RAB3C: variants seen among roughly 807,000 people sequenced by gnomAD.
RAB3C encodes the protein RAB3C, member RAS oncogene family.
RAB3C carries 17 observed loss-of-function variants against 26.4 expected under a neutral mutation model. The ratio of observed to expected loss-of-function variants is 0.64; its 90% confidence interval spans 0.44 to 0.97. The LOEUF is 0.97. RAB3C is among the 50% of genes least tolerant of loss of function. The pLI, the probability that RAB3C is intolerant of heterozygous loss-of-function variation, is 0.00. For synonymous variants in RAB3C, 91 were observed against 95.9 expected, an observed-to-expected ratio of 0.95 and a Z score of 0.30; for missense variants, 242 against 281.9, an observed-to-expected ratio of 0.86 and a Z score of 1.01.
At chr5:58,808,951 C>A (rs1579930259) in intron 3 of RAB3C, among the ~76,000 whole-genome samples, 1 of 152,156 alleles carries the variant, frequency 6.6e-6, no homozygotes, top group Non-Finnish European at 1.5e-5. Context: ...TTTCATGTAC[C>A]AAATTTGGTA....
intron 2 of RAB3C, among the ~76,000 whole-genome samples, chr5:58,677,235 T>C (rs770741641): frequency 6.6e-6 from 1 of 152,220 alleles, no homozygotes; most frequent in Non-Finnish European, 1.5e-5. Flanking sequence ...TCATTCTAAC[T>C]TAACAAATTA....
intron 2 of RAB3C, among the ~76,000 whole-genome samples, chr5:58,642,597 G>A (rs887849929): frequency 2.6e-5 from 4 of 152,200 alleles, no homozygotes; most frequent in African/African-American, 9.7e-5. Context: ...AGAGAAAGCT[G>A]AGTTGTGACT....
intron 1 of RAB3C, among the ~76,000 whole-genome samples, chr5:58,602,983 T>G (rs963772913): frequency 9.9e-5 from 15 of 152,178 alleles, no homozygotes; most frequent in Non-Finnish European, 1.9e-4. Flanking sequence ...GAGCTCCTTT[T>G]AGCAGTTCTT....
intron 3 of RAB3C, among the ~76,000 whole-genome samples, chr5:58,736,379 G>C (rs1741135443): frequency 6.6e-6 from 1 of 152,214 alleles, no homozygotes; most frequent in Non-Finnish European, 1.5e-5. Flanking sequence ...TCCAACTGCA[G>C]GTCCACCTTT....
intron 4 of RAB3C, among the ~76,000 whole-genome samples, chr5:58,838,139 G>A (rs1245399999): frequency 6.6e-6 from 1 of 152,064 alleles, no homozygotes; most frequent in Non-Finnish European, 1.5e-5. Flanking sequence ...CCAGTACTTT[G>A]GGAGGCCAAG....
chr5:58,593,383 T>C (rs1004054504), intron 1 of RAB3C, among the ~76,000 whole-genome samples: 1 of 152,152 alleles, frequency 6.6e-6, no homozygotes, highest in Non-Finnish European at 1.5e-5. Flanking sequence ...AGCACAGTAA[T>C]TAACTGAGCT....
intron 3 of RAB3C, among the ~76,000 whole-genome samples, chr5:58,810,297 C>T (rs1743038329): frequency 6.6e-6 from 1 of 152,020 alleles, no homozygotes; most frequent in Non-Finnish European, 1.5e-5. Flanking sequence ...AAACAAATGA[C>T]AGGCACACCT....
At chr5:58,669,871 A>G (rs1246067308) in intron 2 of RAB3C, among the ~76,000 whole-genome samples, 3 of 152,170 alleles carry the variant, frequency 2.0e-5, no homozygotes, top group Admixed American at 2.0e-4. Flanking sequence ...TGAACTCTTC[A>G]CATATCTTTT....
intron 2 of RAB3C, among the ~76,000 whole-genome samples, chr5:58,686,921 C>T (rs560147817): frequency 3.5e-4 from 53 of 152,062 alleles, no homozygotes; most frequent in African/African-American, 1.2e-3. Flanking sequence ...TCTCCAGCAA[C>T]GTTACCAACT....
At chr5:58,665,283 G>A (rs774890651) in intron 2 of RAB3C, among the ~76,000 whole-genome samples, 2 of 152,034 alleles carry the variant, frequency 1.3e-5, no homozygotes, top group African/African-American at 4.8e-5. Flanking sequence ...CTTTTATGGG[G>A]GAATACTGCA....
intron 3 of RAB3C, among the ~76,000 whole-genome samples, chr5:58,819,744 T>C (rs890430362): frequency 6.6e-6 from 1 of 152,164 alleles, no homozygotes; most frequent in African/African-American, 2.4e-5. Flanking sequence ...CGGGGTGTTG[T>C]GGTGCATGCC....
intron 2 of RAB3C, among the ~76,000 whole-genome samples, chr5:58,624,897 A>AC (rs1332358150): frequency 6.6e-6 from 1 of 151,798 alleles, no homozygotes; most frequent in Non-Finnish European, 1.5e-5. Context: ...AACAAAAAAA[A>AC]CCCCCAATCT....
intron 4 of RAB3C, among the ~76,000 whole-genome samples, chr5:58,845,690 A>G (rs1743984621): frequency 6.7e-6 from 1 of 149,636 alleles, no homozygotes; most frequent in South Asian, 2.1e-4. Context: ...ATGTGTATAT[A>G]TAGTTTTATA....
chr5:58,815,335 A>G (rs1743192942), intron 3 of RAB3C, among the ~76,000 whole-genome samples: 1 of 152,190 alleles, frequency 6.6e-6, no homozygotes, highest in Non-Finnish European at 1.5e-5. Flanking sequence ...CATCTCCAAA[A>G]TGAAGGTGCT....
chr5:58,733,702 C>T (rs772366958), intron 3 of RAB3C, among the ~76,000 whole-genome samples: 23 of 152,118 alleles, frequency 1.5e-4, no homozygotes, highest in Non-Finnish European at 2.2e-4. Flanking sequence ...ACCAGATCAC[C>T]GCTGAAAACT....
intron 2 of RAB3C, among the ~76,000 whole-genome samples, chr5:58,700,623 G>A (rs549731551): frequency 1.3e-5 from 2 of 152,338 alleles, no homozygotes; most frequent in Admixed American, 1.3e-4. Context: ...CTAAGATCAA[G>A]TGAGGTGATA....
chr5:58,841,021 G>A (rs142568308), intron 4 of RAB3C, among the ~76,000 whole-genome samples: 2 of 152,216 alleles, frequency 1.3e-5, no homozygotes, highest in Admixed American at 1.3e-4. Flanking sequence ...CTGGGGGTAT[G>A]CCCACCAGGG....
intron 1 of RAB3C, among the ~76,000 whole-genome samples, chr5:58,593,689 A>G (rs1158436604): frequency 6.6e-6 from 1 of 152,202 alleles, no homozygotes; most frequent in African/African-American, 2.4e-5. Context: ...CTCTGCAGAA[A>G]CAAAATGCCT....
chr5:58,609,012 A>G (rs113524628), intron 1 of RAB3C, among the ~76,000 whole-genome samples: 3,666 of 152,168 alleles, frequency 0.024, 158 homozygotes, highest in African/African-American at 0.082. Flanking sequence ...GACTTAGGGC[A>G]GGAAACATCA....
Sources: allele counts gnomAD v4.1 joint callset (sites outside exome capture counted in the v4.1 genomes callset), GRCh38; gene constraint gnomAD v4.1.1; transcripts MANE v1.5; gene names NCBI Gene and HGNC (gene_info 2026-07-23, HGNC 2026-07-21).